Variants in TENM4 observed in about 807,000 individuals in gnomAD.
TENM4 encodes teneurin transmembrane protein 4, also known as teneurin-4.
Under a neutral mutation model 243.3 loss-of-function variants are expected in TENM4, and 82 were observed. The ratio of observed to expected loss-of-function variants is 0.34; its 90% confidence interval spans 0.28 to 0.40. The LOEUF (loss-of-function observed/expected upper bound fraction) is 0.40. TENM4 is among the 10% of genes least tolerant of loss of function. TENM4 has a pLI of 1.00. For missense variants in TENM4, 3,138 were observed against 3,673.3 expected (o/e 0.85, Z 3.77); for synonymous variants, 1,412 against 1,456.3 (o/e 0.97, Z 0.69).
chr11:78,770,439 A>T (rs1265751767), intron 18 of TENM4, among the ~76,000 whole-genome samples: 2 of 152,228 alleles, frequency 1.3e-5, no homozygotes, highest in Admixed American at 1.3e-4. Context: ...GTTCTAAAAG[A>T]TGAGCACCTC....
chr11:79,368,110 C>T (rs1268726665), intron 1 of TENM4, among the ~76,000 whole-genome samples: 3 of 152,108 alleles, frequency 2.0e-5, no homozygotes, highest in Admixed American at 2.0e-4. Flanking sequence ...GAGTCCCACC[C>T]CAAGACTAGG....
intron 13 of TENM4, among the ~76,000 whole-genome samples, chr11:78,814,015 C>A (rs552672506): frequency 6.6e-6 from 1 of 152,298 alleles, no homozygotes; most frequent in East Asian, 1.9e-4. Context: ...ACTCCACCTG[C>A]CCCAGCAACA....
intron 1 of TENM4, among the ~76,000 whole-genome samples, chr11:79,371,405 T>C (rs1857783819): frequency 6.6e-6 from 1 of 152,156 alleles, no homozygotes; most frequent in South Asian, 2.1e-4. Context: ...GGCTTGGTTC[T>C]AGGACTCTGA....
At chr11:78,700,876 T>C (rs981639999) in intron 28 of TENM4, among the ~76,000 whole-genome samples, 2 of 152,186 alleles carry the variant, frequency 1.3e-5, no homozygotes, top group Non-Finnish European at 2.9e-5. Flanking sequence ...GGGCTCTATA[T>C]CCTCATTTCC....
At chr11:78,721,934 G>T (rs1358567716) in intron 24 of TENM4, among the ~76,000 whole-genome samples, 1 of 152,166 alleles carries the variant, frequency 6.6e-6, no homozygotes, top group Non-Finnish European at 1.5e-5. Context: ...GGTTAGGGAG[G>T]CATAGAGAAA....
At chr11:79,228,575 A>G (rs1034013186) in intron 2 of TENM4, among the ~76,000 whole-genome samples, 23 of 151,914 alleles carry the variant, frequency 1.5e-4, no homozygotes, top group Non-Finnish European at 1.5e-5. Context: ...GCTTATTTCT[A>G]CCTTGGTGAA....
At chr11:79,350,528 T>G (rs1369490498) in intron 1 of TENM4, among the ~76,000 whole-genome samples, 6 of 151,444 alleles carry the variant, frequency 4.0e-5, no homozygotes, top group African/African-American at 1.5e-4. Context: ...CATCTGGACT[T>G]CAGTGATCCT....
intron 2 of TENM4, among the ~76,000 whole-genome samples, chr11:79,221,515 C>G (rs1258856863): frequency 6.6e-6 from 1 of 151,952 alleles, no homozygotes; most frequent in Non-Finnish European, 1.5e-5. Context: ...ACTGCATACA[C>G]AGAAGAGCAT....
chr11:78,777,606 T>C (rs1856762703), intron 17 of TENM4, among the ~76,000 whole-genome samples: 1 of 152,204 alleles, frequency 6.6e-6, no homozygotes, highest in Admixed American at 6.5e-5. Flanking sequence ...CTTCACTTAA[T>C]CCTCATACTA....
intron 1 of TENM4, among the ~76,000 whole-genome samples, chr11:79,300,009 T>C (rs954271792): frequency 6.6e-6 from 1 of 152,228 alleles, no homozygotes; most frequent in African/African-American, 2.4e-5. Context: ...GACTATTCAT[T>C]CTCTGTCCAA....
In TENM4 at chr11:78,658,253, G is replaced by A. The variant is rs117724179; in HGVS notation, c.8115C>T (p.Arg2705=). ...RQRAVRQAWA[R]EQQRLREGEE... ...CCCCTTCCCGCAGTCTCTGCTGCTCGCGGGCCCACGCTTGGCGCACGGCTC... is the reference window on the plus strand; with the variant it reads ...CCCCTTCCCGCAGTCTCTGCTGCTCACGGGCCCACGCTTGGCGCACGGCTC... Residue 2705 remains arginine, a synonymous_variant, in exon 34 of 34, where the codon CGC becomes CGT. Transcript: ENST00000278550. 1.2e-3 allele frequency: 1,917 copies of A among 1,613,628 alleles called. 15 individuals carry two copies. In the East Asian group the frequency reaches 0.018, roughly 15 times the overall value.
rs144139487 is a variant in TENM4, at chr11:78,843,966, G to A, written c.1681+10138C>T. Among the ~76,000 whole-genome samples, 103 of 152,336 alleles carry A rather than the reference G, an allele frequency of 6.8e-4. 2 individuals are homozygous for A. In the East Asian group the frequency reaches 9.3e-3, roughly 14 times the overall value. ...TCAGTGATGCCTGACCTTCTTGCTA[G>A]GTGTTCACTGACCCTCTGATGGGGG... On this transcript the variant is annotated intron_variant, in intron 12 of 33. Transcript: ENST00000278550.
intron 3 of TENM4, among the ~76,000 whole-genome samples, chr11:79,165,562 G>C (rs1862892491): frequency 6.6e-6 from 1 of 152,152 alleles, no homozygotes; most frequent in Non-Finnish European, 1.5e-5. Flanking sequence ...AGGATGTATA[G>C]TTGAGGAGAT....
chr11:79,045,612 C>T (rs538716739), intron 6 of TENM4, among the ~76,000 whole-genome samples: 21 of 152,252 alleles, frequency 1.4e-4, no homozygotes, highest in African/African-American at 2.9e-4. Flanking sequence ...CAGAGGAGCC[C>T]GGCTTGGAGG....
chr11:79,064,563 A>G lies in TENM4; in HGVS notation c.493+175T>C. 4 of 805,092 alleles carry G rather than the reference A, an allele frequency of 5.0e-6. No homozygotes were observed. In the Admixed American group the frequency reaches 1.1e-4, roughly 23 times the overall value. 49.9% of individuals were successfully genotyped at this position (805,092 alleles called of 1,614,324 possible). On this transcript the variant is annotated intron_variant, in intron 6 of 33. Coordinates refer to ENST00000278550, the MANE Select transcript of TENM4 (RefSeq NM_001098816.3). ...CGACCCAATCTCTGGCATGTCACTCATGGGTGGGCATTTCACGTGACTCTC... is the reference window on the plus strand; with the variant it reads ...CGACCCAATCTCTGGCATGTCACTCGTGGGTGGGCATTTCACGTGACTCTC...
At position 78,715,869 on chromosome 11, in the gene TENM4, T is replaced by C. The variant is rs547878401; in HGVS notation, c.3822-3155A>G. Among the ~76,000 whole-genome samples, 14 of 152,254 alleles carry C rather than the reference T, an allele frequency of 9.2e-5. No individual in the cohort carries two copies. In the South Asian group the frequency reaches 1.0e-3, roughly 11 times the overall value. ...CCTGGCCCTGGGAGCTGCAGCTGCA[T>C]CTATGATGCCCATCTAGACTCCACC... is the stretch of plus-strand genomic sequence containing the variant. On this transcript the variant is annotated intron_variant, in intron 25 of 33. Transcript: ENST00000278550.
chr11:78,973,343 T>C (rs1298608822), intron 6 of TENM4, among the ~76,000 whole-genome samples: 1 of 152,250 alleles, frequency 6.6e-6, no homozygotes, highest in Non-Finnish European at 1.5e-5. Flanking sequence ...CACTTGTTAT[T>C]ATCTGACTTT....
intron 23 of TENM4, 82 bp downstream of exon 23, chr11:78,725,997 A>G (rs991198777): frequency 7.1e-5 from 111 of 1,557,552 alleles, no homozygotes; most frequent in Non-Finnish European, 9.4e-5. Flanking sequence ...CAAAATGTGA[A>G]TTTTTTGTTT....
intron 18 of TENM4, among the ~76,000 whole-genome samples, chr11:78,760,445 AAAG>A (rs1856403246): frequency 6.6e-6 from 1 of 152,204 alleles, no homozygotes; most frequent in Admixed American, 6.5e-5. Flanking sequence ...TAGGGGAGAA[AAAG>A]AAGGATGGTT....
Sources: gnomAD v4.1 joint callset for allele counts (sites outside exome capture counted in the v4.1 genomes callset) on GRCh38, gnomAD v4.1.1 for gene constraint, MANE v1.5 for transcripts, NCBI Gene and HGNC (gene_info 2026-07-23, HGNC 2026-07-21) for gene names.